Variants in PTPRM observed in about 807,000 individuals in gnomAD.
The protein encoded by PTPRM is receptor-type tyrosine-protein phosphatase mu.
A neutral mutation model predicts 186.7 loss-of-function variants in PTPRM; 47 were observed. The ratio of observed to expected loss-of-function variants is 0.25; its 90% confidence interval spans 0.20 to 0.32. The LOEUF (loss-of-function observed/expected upper bound fraction) is 0.32, where lower values mean the gene tolerates loss of function less well. PTPRM is among the 10% of genes least tolerant of loss of function. The probability of loss-of-function intolerance (pLI) is 1.00; values close to 1 mark genes in which losing one functional copy is unlikely to be tolerated. For synonymous variants in PTPRM, 668 were observed against 674.9 expected (o/e 0.99, Z 0.16); for missense variants, 1,494 against 1,865.0 (o/e 0.80, Z 3.66).
At chr18:8,030,366 G>C (rs184976848) in intron 7 of PTPRM, among the ~76,000 whole-genome samples, 6 of 152,174 alleles carry the variant, frequency 3.9e-5, no homozygotes, top group Non-Finnish European at 8.8e-5. Context: ...TGAAAGCCTA[G>C]GCCCTGAAAC....
chr18:7,768,376 C>G (rs1261124483), intron 1 of PTPRM, among the ~76,000 whole-genome samples: 1 of 152,112 alleles, frequency 6.6e-6, no homozygotes, highest in Non-Finnish European at 1.5e-5. Flanking sequence ...GCCTGTGGTC[C>G]CAGGTACTCT....
chr18:8,139,037 T>C (rs2092703837), intron 13 of PTPRM, among the ~76,000 whole-genome samples: 1 of 152,146 alleles, frequency 6.6e-6, no homozygotes, highest in East Asian at 1.9e-4. Context: ...CCATCTTTTT[T>C]ATGACAACCT....
chr18:7,658,330 T>TTATATATATA lies in PTPRM; in HGVS notation c.73+90460_73+90469dup, dbSNP rs34009975. On this transcript the variant is annotated intron_variant, in intron 1 of 32. Transcript: ENST00000580170. ...GTGGCTTCCTAAAATTAAAGTAAATTTATATATATATATATATATATATAT... is the reference window on the plus strand; with the variant it reads ...GTGGCTTCCTAAAATTAAAGTAAATTTATATATATATATATATATATATATATATATATAT... 6.1e-3 allele frequency among the ~76,000 whole-genome samples: 764 copies of TTATATATATA among 124,300 alleles called. 5 individuals carry two copies. The highest frequency in any genetic ancestry group is 0.011 in the East Asian group (48 of 4,436). The allele number at this position is 124,300 out of a possible 152,430, so 81.5% of individuals were successfully genotyped here.
intron 14 of PTPRM, among the ~76,000 whole-genome samples, chr18:8,154,108 T>G (rs1461313238): frequency 6.6e-6 from 1 of 152,114 alleles, no homozygotes; most frequent in Non-Finnish European, 1.5e-5. Context: ...AGCCCAGAGG[T>G]GATGGCTGAT....
chr18:7,798,277 T>A (rs912632234), intron 2 of PTPRM, among the ~76,000 whole-genome samples: 1 of 152,164 alleles, frequency 6.6e-6, no homozygotes, highest in Non-Finnish European at 1.5e-5. Flanking sequence ...ACTCCTGTAA[T>A]CCCAGCACTT....
intron 7 of PTPRM, among the ~76,000 whole-genome samples, chr18:7,965,951 T>G (rs2054015498): frequency 6.6e-6 from 1 of 152,196 alleles, no homozygotes; most frequent in Admixed American, 6.5e-5. Context: ...TGCTTGTGCT[T>G]TTAAAAGCTA....
chr18:7,840,295 C>T (rs761610176), intron 2 of PTPRM, among the ~76,000 whole-genome samples: 9 of 151,962 alleles, frequency 5.9e-5, no homozygotes, highest in Non-Finnish European at 1.2e-4. Flanking sequence ...TTCTCTGCCC[C>T]CTGTCTGAGT....
chr18:8,215,014 A>G (rs1462106506), intron 14 of PTPRM, among the ~76,000 whole-genome samples: 2 of 152,170 alleles, frequency 1.3e-5, no homozygotes, highest in Non-Finnish European at 2.9e-5. Flanking sequence ...CTTTGACACC[A>G]TTTTGACCAC....
chr18:7,633,122 G>A (rs1401480455), intron 1 of PTPRM, among the ~76,000 whole-genome samples: 1 of 152,150 alleles, frequency 6.6e-6, no homozygotes, highest in Non-Finnish European at 1.5e-5. Context: ...AGTGCCATGT[G>A]CAATGAGCCA....
chr18:7,758,798 T>G (rs77571569), intron 1 of PTPRM, among the ~76,000 whole-genome samples: 2,190 of 152,286 alleles, frequency 0.014, 46 homozygotes, highest in African/African-American at 0.047. Flanking sequence ...AAAATGAGAT[T>G]GATACAACTT....
intron 22 of PTPRM, among the ~76,000 whole-genome samples, chr18:8,334,548 C>T (rs930166263): frequency 6.6e-6 from 1 of 152,256 alleles, no homozygotes; most frequent in Non-Finnish European, 1.5e-5. Flanking sequence ...ATTCCCGACC[C>T]ATCACCACCT....
intron 2 of PTPRM, among the ~76,000 whole-genome samples, chr18:7,862,509 C>G (rs2047443469): frequency 6.6e-6 from 1 of 152,074 alleles, no homozygotes; most frequent in Non-Finnish European, 1.5e-5. Context: ...CGTTTCTGGA[C>G]CCTTTGAATT....
chr18:8,382,449 TAATGCC>T, intron 29 of PTPRM, among the ~76,000 whole-genome samples: 1 of 152,264 alleles, frequency 6.6e-6, no homozygotes. Context: ...CTTCCCATCA[TAATGCC>T]TATTAATTTC....
intron 1 of PTPRM, among the ~76,000 whole-genome samples, chr18:7,650,676 A>T (rs1320148228): frequency 6.6e-6 from 1 of 152,154 alleles, no homozygotes; most frequent in African/African-American, 2.4e-5. Flanking sequence ...ATAGAGATTC[A>T]TGATGCAGAC....
At chr18:7,631,991 C>A (rs2038203197) in intron 1 of PTPRM, among the ~76,000 whole-genome samples, 1 of 152,174 alleles carries the variant, frequency 6.6e-6, no homozygotes, top group Non-Finnish European at 1.5e-5. Flanking sequence ...ATATAAAAAT[C>A]TCAAATGCTA....
In PTPRM at chr18:7,983,306, T is replaced by C. The variant is rs73383840; in HGVS notation, c.1132+27892T>C. Among the ~76,000 whole-genome samples the C allele has an allele frequency of 8.0e-3, 1,223 of 152,198 alleles. 20 individuals are homozygous for C. Among genetic ancestry groups the C allele is most frequent in the African/African-American group, 0.028 (1,181 of 41,532 alleles). ...TTGCAAGCTCCTTAGGAGAATCTAG[T>C]GCCTGATGATCTGAGGGGGAACAGT... On this transcript the variant is annotated intron_variant, in intron 7 of 32. Coordinates refer to ENST00000580170, the MANE Select transcript of PTPRM (RefSeq NM_001105244.2).
At chr18:8,217,706 G>A (rs894181245) in intron 14 of PTPRM, among the ~76,000 whole-genome samples, 2 of 152,144 alleles carry the variant, frequency 1.3e-5, no homozygotes, top group Non-Finnish European at 2.9e-5. Context: ...AGACCACTTT[G>A]CTCATAGCTG....
chr18:8,301,459 C>A (rs1257494004), intron 20 of PTPRM, among the ~76,000 whole-genome samples: 1 of 152,150 alleles, frequency 6.6e-6, no homozygotes, highest in Non-Finnish European at 1.5e-5. Flanking sequence ...CGAGGCAGCC[C>A]CCTTGCAGCC....
chr18:8,092,832 A>T (rs973638161), intron 11 of PTPRM, among the ~76,000 whole-genome samples: 1 of 152,078 alleles, frequency 6.6e-6, no homozygotes, highest in African/African-American at 2.4e-5. Context: ...AAAAACAAAC[A>T]AACAAAAAAC....
Sources: gnomAD v4.1 joint callset for allele counts (sites outside exome capture counted in the v4.1 genomes callset) on GRCh38, gnomAD v4.1.1 for gene constraint, MANE v1.5 for transcripts, NCBI Gene and HGNC (gene_info 2026-07-23, HGNC 2026-07-21) for gene names.